The following CDH9 variants were observed in gnomAD, a reference collection of about 807,000 sequenced individuals.
The protein encoded by CDH9 is cadherin 9.
In CDH9, 28 loss-of-function variants were observed where a neutral mutation model predicts 70.9. The ratio of observed to expected loss-of-function variants is 0.40; its 90% CI spans 0.29 to 0.54. CDH9 has a LOEUF of 0.54. CDH9 is among the 20% of genes least tolerant of loss of function. CDH9 has a pLI of 0.59. For synonymous variants in CDH9, 409 were observed against 343.1 expected (o/e 1.19, Z -2.12); for missense variants, 874 against 984.4 (o/e 0.89, Z 1.50).
intron 6 of CDH9, 193 bp downstream of exon 6, chr5:26,903,444 T>G (rs565965995): frequency 5.7e-5 from 39 of 682,310 alleles, no homozygotes; most frequent in Admixed American, 3.5e-4. Flanking sequence ...CATGAACAAC[T>G]GAGGTTTTAA....
At chr5:26,915,319 T>C (rs1418739799) in intron 3 of CDH9, among the ~76,000 whole-genome samples, 1 of 152,046 alleles carries the variant, frequency 6.6e-6, no homozygotes, top group Admixed American at 6.6e-5. Flanking sequence ...CTATCTATTA[T>C]TCTTTTGATT....
intron 1 of CDH9, among the ~76,000 whole-genome samples, chr5:27,037,469 A>G (rs1743414530): frequency 6.6e-6 from 1 of 151,950 alleles, no homozygotes; most frequent in Non-Finnish European, 1.5e-5. Flanking sequence ...CTTTCTTTTT[A>G]TTACACCTTT....
intron 2 of CDH9, among the ~76,000 whole-genome samples, chr5:26,955,642 C>T (rs1741934475): frequency 6.6e-6 from 1 of 151,576 alleles, no homozygotes; most frequent in Non-Finnish European, 1.5e-5. Flanking sequence ...CAGCTGACTA[C>T]CAATATCAAT....
At chr5:26,913,757 TTGTG>T (rs5866811) in intron 3 of CDH9, among the ~76,000 whole-genome samples, 5,895 of 145,408 alleles carry the variant, frequency 0.041, 136 homozygotes, top group African/African-American at 0.064. Context: ...ACATATATGT[TTGTG>T]TGTGTGTGTG....
chr5:26,925,516 G>A (rs369722415), intron 2 of CDH9, among the ~76,000 whole-genome samples: 2 of 152,154 alleles, frequency 1.3e-5, no homozygotes, highest in Non-Finnish European at 1.5e-5. Flanking sequence ...TCACTCTCAT[G>A]GTAGTTTCTT....
At chr5:26,988,771 A>G (rs1208798086) in intron 1 of CDH9, among the ~76,000 whole-genome samples, 2 of 152,070 alleles carry the variant, frequency 1.3e-5, no homozygotes, top group East Asian at 1.9e-4. Flanking sequence ...ACATACGTGT[A>G]TGAAATTACA....
In CDH9 at chr5:26,988,026, C is replaced by A. The variant is rs1742515889; in HGVS notation, c.228+80G>T. 3.3e-6 allele frequency: 3 copies of A among 919,176 alleles called. No homozygotes were observed. In the East Asian group the frequency reaches 7.9e-5, roughly 24 times the overall value. The allele number at this position is 919,176 out of a possible 1,614,324, so 56.9% of individuals were successfully genotyped here. A position where few individuals can be genotyped will look rare whatever the true frequency, so the allele number is the denominator to read the frequency against. On this transcript the variant is annotated intron_variant, in intron 2 of 11. Transcript: ENST00000231021. Reference sequence around the variant, plus strand: ...TTAGTTAAATATTTTTTAATAATCACTAGTGAAAAGAAAAGTTGCTGGAAA... The same window carrying A: ...TTAGTTAAATATTTTTTAATAATCAATAGTGAAAAGAAAAGTTGCTGGAAA...
At chr5:27,028,174 T>A (rs1278606602) in intron 1 of CDH9, 1 of 152,018 alleles carries the variant, frequency 6.6e-6, no homozygotes, top group Non-Finnish European at 1.5e-5. Flanking sequence ...TGCTCAGGAA[T>A]TCAAGACCAG....
At chr5:26,966,965 C>A (rs1742139508) in intron 2 of CDH9, among the ~76,000 whole-genome samples, 1 of 152,074 alleles carries the variant, frequency 6.6e-6, no homozygotes, top group South Asian at 2.1e-4. Context: ...CAGGATCTCA[C>A]TCTGTTGCCC....
rs1743300674 is a variant in CDH9 at position 27,030,925 on chromosome 5, G to C, written c.-50+7538C>G. 2.0e-5 allele frequency among the ~76,000 whole-genome samples: 3 copies of C among 151,716 alleles called. No individual in the cohort carries two copies. In the South Asian group the frequency reaches 6.2e-4, roughly 32 times the overall value. On this transcript the variant is annotated intron_variant, in intron 1 of 11. Transcript: ENST00000231021. ...ATTTTTTTAGTGTATATGTTATCTA[G>C]AACATTTTAAATCACATGCTAACTA...
At chr5:26,988,061 A>T (rs1242995077) in intron 2 of CDH9, 45 bp downstream of exon 2, 1 of 1,385,676 alleles carries the variant, frequency 7.2e-7, no homozygotes, top group Middle Eastern at 2.3e-4. Flanking sequence ...AAAAATAAAT[A>T]GCTGTCACTT....
chr5:27,026,337 C>A (rs1404153991), intron 1 of CDH9, among the ~76,000 whole-genome samples: 1 of 151,736 alleles, frequency 6.6e-6, no homozygotes, highest in South Asian at 2.1e-4. Context: ...GAGTAAATTT[C>A]GTTAACATAC....
At chr5:26,946,095 A>C (rs1008248762) in intron 2 of CDH9, among the ~76,000 whole-genome samples, 1 of 152,202 alleles carries the variant, frequency 6.6e-6, no homozygotes, top group Non-Finnish European at 1.5e-5. Context: ...ATAATGTTAC[A>C]TAAGCTACAT....
intron 2 of CDH9, among the ~76,000 whole-genome samples, chr5:26,980,443 C>G (rs1349042963): frequency 1.3e-5 from 2 of 151,664 alleles, no homozygotes; most frequent in Non-Finnish European, 3.0e-5. Flanking sequence ...TAAAGTGACC[C>G]CAATTACCTG....
chr5:26,973,144 G>A (rs1188939047), intron 2 of CDH9, among the ~76,000 whole-genome samples: 1 of 152,166 alleles, frequency 6.6e-6, no homozygotes, highest in African/African-American at 2.4e-5. Flanking sequence ...ATACAGGGGT[G>A]AGCCACCACG....
At position 27,023,944 on chromosome 5, in the gene CDH9, C is replaced by T. The variant is rs963994965; in HGVS notation, c.-50+14519G>A. Reference sequence around the variant, plus strand: ...GTGGGCACCTGCAATTGCATCTACTCGGGAGGCTGAGGTAGGAGGTTTGCT... The same window carrying T: ...GTGGGCACCTGCAATTGCATCTACTTGGGAGGCTGAGGTAGGAGGTTTGCT... On this transcript the variant is annotated intron_variant, in intron 1 of 11. Coordinates refer to ENST00000231021, the MANE Select transcript of CDH9 (RefSeq NM_016279.4). Among the ~76,000 whole-genome samples the T allele has an allele frequency of 6.6e-5, 10 of 151,714 alleles. 1 individual carries two copies. The highest frequency in any genetic ancestry group is 6.3e-4 in the South Asian group (3 of 4,800).
intron 2 of CDH9, among the ~76,000 whole-genome samples, chr5:26,929,137 G>A (rs1036872301): frequency 6.6e-6 from 1 of 151,806 alleles, no homozygotes; most frequent in African/African-American, 2.4e-5. Flanking sequence ...AAACAACTCT[G>A]TAAGAAAGAA....
At chr5:26,927,696 T>G (rs1741367814) in intron 2 of CDH9, among the ~76,000 whole-genome samples, 1 of 152,066 alleles carries the variant, frequency 6.6e-6, no homozygotes, top group South Asian at 2.1e-4. Flanking sequence ...CTAGATTCTC[T>G]GCTGGGTTTT....
At chr5:26,962,941 A>G (rs772207992) in intron 2 of CDH9, among the ~76,000 whole-genome samples, 2 of 152,058 alleles carry the variant, frequency 1.3e-5, no homozygotes, top group Admixed American at 1.3e-4. Flanking sequence ...AATAAAAGGA[A>G]CCCTCCTGAT....
Sources: allele counts gnomAD v4.1 joint callset (sites outside exome capture counted in the v4.1 genomes callset), GRCh38; gene constraint gnomAD v4.1.1; transcripts MANE v1.5; gene names NCBI Gene and HGNC (gene_info 2026-07-23, HGNC 2026-07-21).